The following IRF2 variants were observed in gnomAD, a reference collection of about 807,000 sequenced individuals.
IRF2 encodes interferon regulatory factor 2.
IRF2 carries 15 observed loss-of-function variants against 40.6 expected under a neutral mutation model. The ratio of observed to expected loss-of-function variants is 0.37; its 90% CI spans 0.25 to 0.57. IRF2 has a LOEUF of 0.57. Ranked by LOEUF, IRF2 falls within the 20% of genes least tolerant of loss-of-function variation. The pLI is 0.77. For missense variants in IRF2, 317 were observed against 455.7 expected (o/e 0.70, Z 2.77); for synonymous variants, 151 against 165.5 (o/e 0.91, Z 0.67).
chr4:184,473,284 G>C (rs995996892), intron 1 of IRF2, among the ~76,000 whole-genome samples: 9 of 150,394 alleles, frequency 6.0e-5, no homozygotes, highest in African/African-American at 2.2e-4. Flanking sequence ...CCGAGGGGAC[G>C]CCGGCCCCCA....
intron 5 of IRF2, among the ~76,000 whole-genome samples, chr4:184,416,003 T>C (rs1330494857): frequency 6.6e-6 from 1 of 152,106 alleles, no homozygotes; most frequent in African/African-American, 2.4e-5. Flanking sequence ...CTAAATAACA[T>C]GAATCAAAAC....
At chr4:184,441,328 G>A (rs945338181) in intron 1 of IRF2, among the ~76,000 whole-genome samples, 2 of 152,188 alleles carry the variant, frequency 1.3e-5, no homozygotes, top group Admixed American at 6.5e-5. Context: ...CCTGAAATGT[G>A]GCTACCATGA....
intron 1 of IRF2, among the ~76,000 whole-genome samples, chr4:184,445,669 G>A (rs201192764): frequency 2.9e-4 from 27 of 93,902 alleles, no homozygotes; most frequent in Middle Eastern, 7.2e-3. Flanking sequence ...AAAAAAAAAA[G>A]AAGAAGAAGA....
In IRF2 at chr4:184,445,531, T is replaced by C. The variant is rs184944572; in HGVS notation, c.-6-16461A>G. Reference sequence around the variant, plus strand: ...TTAGCTGGGCATGGTGGTGTGTGCCTGTAATCTCAGCTACTCAAGAGGCTG... The same window carrying C: ...TTAGCTGGGCATGGTGGTGTGTGCCCGTAATCTCAGCTACTCAAGAGGCTG... On this transcript the variant is annotated intron_variant, in intron 1 of 8. Transcript: ENST00000393593. Among the ~76,000 whole-genome samples, 22 of 152,102 alleles carry C rather than the reference T, an allele frequency of 1.4e-4. No homozygotes were observed. The East Asian group carries it at 3.9e-3, about 27-fold the overall frequency.
intron 5 of IRF2, among the ~76,000 whole-genome samples, chr4:184,415,180 G>A (rs966167483): frequency 6.6e-6 from 1 of 152,192 alleles, no homozygotes; most frequent in Non-Finnish European, 1.5e-5. Context: ...CACAATGCAA[G>A]TAGATCTAAA....
chr4:184,451,479 G>A (rs1171506315), intron 1 of IRF2, among the ~76,000 whole-genome samples: 2 of 152,048 alleles, frequency 1.3e-5, no homozygotes, highest in African/African-American at 4.8e-5. Context: ...CCATGGGGTC[G>A]TTCTCATTAC....
Position 184,413,213 on chromosome 4 carries a change from G to A in IRF2, c.412-4938C>T, listed in dbSNP as rs1422697648. 6.6e-6 allele frequency among the ~76,000 whole-genome samples: 1 copy of A among 152,146 alleles called. No homozygotes were observed. Among genetic ancestry groups the A allele is most frequent in the Non-Finnish European group, 1.5e-5 (1 of 68,022 alleles). Reference sequence around the variant, plus strand: ...GCCTCCCACTCCTTCCCATCCCGGTGAGAAAGGCCTCCCTTACATATCAAT... The same window carrying A: ...GCCTCCCACTCCTTCCCATCCCGGTAAGAAAGGCCTCCCTTACATATCAAT... On this transcript the variant is annotated intron_variant, in intron 5 of 8. Coordinates refer to ENST00000393593, the MANE Select transcript of IRF2 (RefSeq NM_002199.4). The surrounding 1 kb of genome is among the most constrained non-coding windows in gnomAD (Gnocchi z 4.2).
In IRF2 at chr4:184,419,499, G is replaced by A. The variant is rs2149900480; in HGVS notation, c.157C>T (p.Pro53Ser). 6.2e-7 allele frequency: 1 copy of A among 1,610,674 alleles called. No homozygotes were observed. The change falls in exon 3 of 9, where the codon CCA becomes TCA. Residue 53 changes from proline (P) to serine (S), a missense_variant. Transcript: ENST00000393593. ...RHGWDVEKDA[P>S]LFRNWAIHTG... The stretch of plus-strand genomic sequence containing the variant: ...TGGATTGCCCAGTTTCTAAAGAGTG[G>A]TGCATCTTTTTCCACATCCCACCCA...
chr4:184,445,844 TC>T (rs1310984025), intron 1 of IRF2, among the ~76,000 whole-genome samples: 2 of 152,178 alleles, frequency 1.3e-5, no homozygotes, highest in South Asian at 4.1e-4. Context: ...AACATTCGTG[TC>T]CACCTGGAGC....
intron 1 of IRF2, among the ~76,000 whole-genome samples, chr4:184,453,317 G>C (rs1456836300): frequency 6.6e-6 from 1 of 152,236 alleles, no homozygotes; most frequent in Non-Finnish European, 1.5e-5. Flanking sequence ...CCTTAGGTGT[G>C]TTTGGCCCTG....
chr4:184,405,112 C>A (rs552207056), intron 6 of IRF2, among the ~76,000 whole-genome samples: 1 of 152,138 alleles, frequency 6.6e-6, no homozygotes, highest in Non-Finnish European at 1.5e-5. Flanking sequence ...GGCATGGTGG[C>A]GCATCCCTGT....
At chr4:184,472,899 C>T (rs564798962) in intron 1 of IRF2, among the ~76,000 whole-genome samples, 2 of 152,352 alleles carry the variant, frequency 1.3e-5, no homozygotes, top group East Asian at 1.9e-4. Context: ...TCCCCTCCCC[C>T]GCTTCTTAGG....
intron 3 of IRF2, among the ~76,000 whole-genome samples, chr4:184,419,106 C>T (rs1737386123): frequency 6.6e-6 from 1 of 152,222 alleles, no homozygotes; most frequent in African/African-American, 2.4e-5. Flanking sequence ...CTGTAAACAG[C>T]TCCCTACGTA....
chr4:184,439,703 G>A (rs770772384), intron 1 of IRF2, among the ~76,000 whole-genome samples: 121 of 152,254 alleles, frequency 7.9e-4, no homozygotes, highest in Admixed American at 4.3e-3. Flanking sequence ...TATTAGGCAC[G>A]TTTTCTATAT....
At chr4:184,416,639 C>T (rs1737286692) in intron 5 of IRF2, among the ~76,000 whole-genome samples, 1 of 152,070 alleles carries the variant, frequency 6.6e-6, no homozygotes, top group Non-Finnish European at 1.5e-5. Context: ...GGTATTTTTA[C>T]AGAGCACTTA....
chr4:184,405,320 G>A (rs1468072115), intron 6 of IRF2, among the ~76,000 whole-genome samples: 2 of 152,192 alleles, frequency 1.3e-5, no homozygotes, highest in South Asian at 2.1e-4. Flanking sequence ...GAGCGGAAGT[G>A]TGGATGAGAC....
intron 2 of IRF2, among the ~76,000 whole-genome samples, chr4:184,427,419 G>A (rs937289103): frequency 3.9e-5 from 6 of 152,206 alleles, no homozygotes; most frequent in African/African-American, 1.4e-4. Flanking sequence ...ACTTTGGAAG[G>A]CCAAGGCGGG....
At chr4:184,473,014 G>GGAAC (rs1223786583) in intron 1 of IRF2, among the ~76,000 whole-genome samples, 7 of 152,166 alleles carry the variant, frequency 4.6e-5, no homozygotes, top group Non-Finnish European at 8.8e-5. Flanking sequence ...CTTGGAACTT[G>GGAAC]GAACGGCTTC....
At chr4:184,455,697 A>G (rs1444659765) in intron 1 of IRF2, among the ~76,000 whole-genome samples, 2 of 152,182 alleles carry the variant, frequency 1.3e-5, no homozygotes, top group African/African-American at 4.8e-5. Context: ...TGTGATGGAT[A>G]AACTTATGAA....
Sources: allele counts gnomAD v4.1 joint callset (sites outside exome capture counted in the v4.1 genomes callset), GRCh38; gene constraint gnomAD v4.1.1; non-coding constraint Gnocchi (gnomAD v3.1); transcripts MANE v1.5; gene names NCBI Gene and HGNC (gene_info 2026-07-23, HGNC 2026-07-21).